JAKMIP1: variants seen among roughly 807,000 people sequenced by gnomAD.
JAKMIP1 encodes the protein janus kinase and microtubule-interacting protein 1.
A neutral mutation model predicts 113.0 loss-of-function variants in JAKMIP1; 33 were observed. The observed-to-expected ratio is 0.29, with a 90% CI of 0.22 to 0.39. The LOEUF is 0.39. Among genes scored for constraint, JAKMIP1 ranks in the 10% least tolerant of loss-of-function variants. The pLI, the probability that JAKMIP1 is intolerant of heterozygous loss-of-function variation, is 1.00. For missense variants in JAKMIP1, 813 were observed against 1,080.5 expected (o/e 0.75, Z 3.47); for synonymous variants, 480 against 459.9 (o/e 1.04, Z -0.56).
chr4:6,092,573 A>C (rs1390695897), intron 3 of JAKMIP1, among the ~76,000 whole-genome samples: 2 of 152,210 alleles, frequency 1.3e-5, no homozygotes. Flanking sequence ...AAAAGATAGA[A>C]TATAAGCAAA....
rs1398088835 is a variant in JAKMIP1, at chr4:6,101,917, AAAAAG to A, written c.624+3551_624+3555del. ...CAAGACTCAGTTAAAAAAAAAAAAA[AAAAAG>A]AGTCTGCTGGGATTTTGGTAAGGGA... On this transcript the variant is annotated intron_variant, in intron 3 of 20. Coordinates refer to ENST00000409021, the MANE Select transcript of JAKMIP1 (RefSeq NM_001099433.2). Among the ~76,000 whole-genome samples the A allele has an allele frequency of 2.6e-5, 4 of 151,908 alleles. No homozygotes were observed. The East Asian group carries it at 7.7e-4, about 29-fold the overall frequency.
At chr4:6,078,913 G>A (rs749169655) in intron 8 of JAKMIP1, 26 bp downstream of exon 8, 5 of 1,613,100 alleles carry the variant, frequency 3.1e-6, no homozygotes, top group Admixed American at 3.3e-5. Flanking sequence ...CGGCAAGGTA[G>A]GGCAGGTGCA....
chr4:6,073,975 A>C (rs1418583117), intron 8 of JAKMIP1, among the ~76,000 whole-genome samples: 1 of 152,236 alleles, frequency 6.6e-6, no homozygotes, highest in Non-Finnish European at 1.5e-5. Context: ...CCAGGTCCTG[A>C]GCAAGCCCCC....
At position 6,042,605 on chromosome 4, in the gene JAKMIP1, C is replaced by T. The variant is rs1169503466; in HGVS notation, c.2029-378G>A. Among the ~76,000 whole-genome samples the T allele has an allele frequency of 6.6e-6, 1 of 151,914 alleles. No individual in the cohort carries two copies. The highest frequency in any genetic ancestry group is 2.1e-4 in the South Asian group (1 of 4,812). On this transcript the variant is annotated intron_variant, in intron 16 of 20. Transcript: ENST00000409021. The surrounding 1 kb of genome is among the most constrained non-coding windows in gnomAD (Gnocchi z 5.2). The stretch of plus-strand genomic sequence containing the variant: ...CAGGAGACCTCATCTGACTCTCTTA[C>T]GACCACCCCAAGCAGTAGGCAGCGT...
In JAKMIP1 at chr4:6,153,313, G is replaced by A. The variant is rs987971059; in HGVS notation, c.-147-40316C>T. Among the ~76,000 whole-genome samples, 3 of 152,170 alleles carry A rather than the reference G, an allele frequency of 2.0e-5. No individual in the cohort carries two copies. Among genetic ancestry groups the A allele is most frequent in the African/African-American group, 7.2e-5 (3 of 41,432 alleles). On this transcript the variant is annotated intron_variant, in intron 1 of 20. Transcript: ENST00000409021. This position sits in a 1 kb window ranked among gnomAD's most constrained non-coding sequence, Gnocchi z 4.9. Reference sequence around the variant, plus strand: ...CCTGGCCTCCTTCACACAGGCCTTGGTCACAGGCAGATCTGGGTGAGAAGA... The same window carrying A: ...CCTGGCCTCCTTCACACAGGCCTTGATCACAGGCAGATCTGGGTGAGAAGA...
chr4:6,121,739 C>T (rs73073502), intron 1 of JAKMIP1, among the ~76,000 whole-genome samples: 37 of 152,232 alleles, frequency 2.4e-4, no homozygotes, highest in African/African-American at 7.0e-4. Context: ...CTGATTTTTC[C>T]GGAGAAAGCT....
intron 12 of JAKMIP1, among the ~76,000 whole-genome samples, chr4:6,054,483 G>T (rs774168687): frequency 5.8e-4 from 89 of 152,308 alleles, no homozygotes; most frequent in African/African-American, 1.9e-3. Flanking sequence ...CTTCCTTGAG[G>T]CCAAACACTG....
rs948197168 is a variant in JAKMIP1, at chr4:6,140,685, A to G, written c.-147-27688T>C. Among the ~76,000 whole-genome samples the G allele has an allele frequency of 7.0e-4, 106 of 152,166 alleles. No homozygotes were observed. Among genetic ancestry groups the G allele is most frequent in the African/African-American group, 2.2e-3 (93 of 41,386 alleles). ...TCTCCAAGACATTTTCCACAATGAA[A>G]ATGTAATGCTTTTACCTGGAAAAGG... On this transcript the variant is annotated intron_variant, in intron 1 of 20. Coordinates refer to ENST00000409021, the MANE Select transcript of JAKMIP1 (RefSeq NM_001099433.2). This position sits in a 1 kb window ranked among gnomAD's most constrained non-coding sequence, Gnocchi z 9.4.
chr4:6,069,239 A>G lies in JAKMIP1; in HGVS notation c.1303-4231T>C, dbSNP rs2108800288. Among the ~76,000 whole-genome samples the G allele has an allele frequency of 6.6e-6, 1 of 152,252 alleles. No homozygotes were observed. Among genetic ancestry groups the G allele is most frequent in the South Asian group, 2.1e-4 (1 of 4,816 alleles). ...CAGTGGGCTTTAAAAAAAATGGCAAACATGAAAGAAACTTCATTTTTTTGT... is the reference window on the plus strand; with the variant it reads ...CAGTGGGCTTTAAAAAAAATGGCAAGCATGAAAGAAACTTCATTTTTTTGT... On this transcript the variant is annotated intron_variant, in intron 8 of 20. Transcript: ENST00000409021. This position sits in a 1 kb window ranked among gnomAD's most constrained non-coding sequence, Gnocchi z 4.5.
chr4:6,046,195 G>T (rs1714971863), intron 16 of JAKMIP1, among the ~76,000 whole-genome samples: 2 of 152,190 alleles, frequency 1.3e-5, no homozygotes, highest in Non-Finnish European at 2.9e-5. Context: ...GTCCTGCCAG[G>T]TTCTCAGGGG....
intron 13 of JAKMIP1, among the ~76,000 whole-genome samples, chr4:6,053,100 A>T (rs1715881844): frequency 6.6e-6 from 1 of 152,252 alleles, no homozygotes; most frequent in Non-Finnish European, 1.5e-5. Context: ...GCGCCACTAC[A>T]GGTGCTTAGA....
rs1026837509 is a variant in JAKMIP1 at position 6,057,749 on chromosome 4, T to C, written c.1645-990A>G. Among the ~76,000 whole-genome samples the C allele has an allele frequency of 2.0e-5, 3 of 152,198 alleles. No homozygotes were observed. The South Asian group carries it at 6.2e-4, about 32-fold the overall frequency. Reference sequence around the variant, plus strand: ...CCCAGCAGGTGATGGGGTCCATTTCTTCAACCTCAAAGCTGGGCTGGGCCA... The same window carrying C: ...CCCAGCAGGTGATGGGGTCCATTTCCTCAACCTCAAAGCTGGGCTGGGCCA... On this transcript the variant is annotated intron_variant, in intron 11 of 20. Coordinates refer to ENST00000409021, the MANE Select transcript of JAKMIP1 (RefSeq NM_001099433.2).
chr4:6,044,158 G>A lies in JAKMIP1; in HGVS notation c.2029-1931C>T, dbSNP rs541619283. ...CCATGGTGCCCATGTCAGTCATCTT[G>A]TGAATGCCGGGTCGTAGCACTCACC... is the stretch of plus-strand genomic sequence containing the variant. On this transcript the variant is annotated intron_variant, in intron 16 of 20. Coordinates refer to ENST00000409021, the MANE Select transcript of JAKMIP1 (RefSeq NM_001099433.2). This position sits in a 1 kb window ranked among gnomAD's most constrained non-coding sequence, Gnocchi z 4.4. Among the ~76,000 whole-genome samples, 1 of 148,928 alleles carries A rather than the reference G, an allele frequency of 6.7e-6. No homozygotes were observed. Among genetic ancestry groups the A allele is most frequent in the South Asian group, 2.1e-4 (1 of 4,728 alleles).
intron 1 of JAKMIP1, among the ~76,000 whole-genome samples, chr4:6,147,494 C>A (rs1721000414): frequency 1.3e-5 from 2 of 152,226 alleles, no homozygotes; most frequent in South Asian, 4.1e-4. Flanking sequence ...CTCCCAGGCT[C>A]TGCTGGCCCA....
Position 6,097,402 on chromosome 4 carries a change from C to T in JAKMIP1, c.624+8071G>A, listed in dbSNP as rs540384527. ...TAATGTGCTCATGGTAACATGTGAG[C>T]TTGCTTGCATGGGGAGTCTGGGTGT... On this transcript the variant is annotated intron_variant, in intron 3 of 20. Transcript: ENST00000409021. This position sits in a 1 kb window ranked among gnomAD's most constrained non-coding sequence, Gnocchi z 4.3. Among the ~76,000 whole-genome samples, 12 of 152,326 alleles carry T rather than the reference C, an allele frequency of 7.9e-5. No individual in the cohort carries two copies. The South Asian group carries it at 2.3e-3, about 29-fold the overall frequency.
At position 6,036,031 on chromosome 4, in the gene JAKMIP1, C is replaced by T. The variant is rs1231876155; in HGVS notation, c.2252G>A (p.Ser751Asn). Residue 751 changes from serine (S) to asparagine (N), a missense_variant, in exon 19 of 21, where the codon AGC (serine) becomes AAC (asparagine). Transcript: ENST00000409021. ...CTGCAGGTCCTCCCGCTGGCCCTCG[C>T]TCAGCGCCTCACCGGCCCTCCGCCC... Reference protein sequence around the residue: ...EPGRRAGEALSEGQREDLQAA... With the variant: ...EPGRRAGEALNEGQREDLQAA... The T allele has an allele frequency of 3.9e-6, 6 of 1,553,742 alleles. No homozygotes were observed. Among genetic ancestry groups the T allele is most frequent in the Non-Finnish European group, 5.2e-6 (6 of 1,148,218 alleles).
intron 19 of JAKMIP1, among the ~76,000 whole-genome samples, chr4:6,033,884 C>T (rs1472132334): frequency 6.6e-6 from 1 of 152,170 alleles, no homozygotes; most frequent in Non-Finnish European, 1.5e-5. Flanking sequence ...AATCACAAAA[C>T]ATCAATAGTT....
intron 1 of JAKMIP1, among the ~76,000 whole-genome samples, chr4:6,189,941 G>A (rs1257940894): frequency 1.3e-5 from 2 of 152,234 alleles, no homozygotes; most frequent in African/African-American, 2.4e-5. Context: ...GGCAGGAGAG[G>A]GAGGCAGCGT....
Position 6,176,342 on chromosome 4 carries a change from G to T in JAKMIP1, c.-148+23911C>A, listed in dbSNP as rs939466034. On this transcript the variant is annotated intron_variant, in intron 1 of 20. Transcript: ENST00000409021. This position sits in a 1 kb window ranked among gnomAD's most constrained non-coding sequence, Gnocchi z 5.5. ...TGTTTAGGCTGTGTCCTGGTCTGGT[G>T]GGGTATGAAGATCCCTGAGGTGAAC... 6.6e-6 allele frequency among the ~76,000 whole-genome samples: 1 copy of T among 152,178 alleles called. No individual in the cohort carries two copies. The highest frequency in any genetic ancestry group is 6.5e-5 in the Admixed American group (1 of 15,270).
Sources: allele counts gnomAD v4.1 joint callset (sites outside exome capture counted in the v4.1 genomes callset), GRCh38; gene constraint gnomAD v4.1.1; non-coding constraint Gnocchi (gnomAD v3.1); transcripts MANE v1.5; gene names NCBI Gene and HGNC (gene_info 2026-07-23, HGNC 2026-07-21).